The following SLC44A5 variants were observed in gnomAD, a reference collection of about 807,000 sequenced individuals.
SLC44A5 encodes the protein choline transporter-like protein 5.
SLC44A5 carries 57 observed loss-of-function variants against 101.8 expected under a neutral mutation model. The observed-to-expected ratio is 0.56, with a 90% CI of 0.45 to 0.70. The LOEUF (loss-of-function observed/expected upper bound fraction) is 0.70, where lower values mean the gene tolerates loss of function less well. Ranked by LOEUF, SLC44A5 falls within the 30% of genes least tolerant of loss-of-function variation. SLC44A5 has a pLI of 0.00. For missense variants in SLC44A5, 737 were observed against 853.1 expected, an observed-to-expected ratio of 0.86 and a Z score of 1.70; for synonymous variants, 281 against 290.9, an observed-to-expected ratio of 0.97 and a Z score of 0.35.
intron 2 of SLC44A5, among the ~76,000 whole-genome samples, chr1:75,476,621 T>C (rs1413140156): frequency 6.6e-6 from 1 of 152,108 alleles, no homozygotes; most frequent in East Asian, 1.9e-4. Context: ...GCTCGGAGGG[T>C]CCTACGCCCA....
At chr1:75,426,265 G>T (rs1362654136) in intron 2 of SLC44A5, among the ~76,000 whole-genome samples, 7 of 152,182 alleles carry the variant, frequency 4.6e-5, no homozygotes, top group Non-Finnish European at 8.8e-5. Context: ...GGGAAAATAT[G>T]ATTCTGAAAG....
At chr1:75,679,822 T>G in the SLC44A5 span, among the ~76,000 whole-genome samples, 1 of 152,082 alleles carries the variant, frequency 6.6e-6, no homozygotes, top group Non-Finnish European at 1.5e-5. Context: ...ACTGGCAAAT[T>G]GGATAAAGAG....
chr1:75,536,381 C>T (rs1373110295), intron 2 of SLC44A5, among the ~76,000 whole-genome samples: 3 of 151,402 alleles, frequency 2.0e-5, no homozygotes, highest in Non-Finnish European at 2.9e-5. Flanking sequence ...GGGTGGATCA[C>T]GAGGTCAGGA....
chr1:75,313,778 G>A (rs1655484637), intron 4 of SLC44A5, among the ~76,000 whole-genome samples: 1 of 152,204 alleles, frequency 6.6e-6, no homozygotes, highest in African/African-American at 2.4e-5. Flanking sequence ...AGAGGAAGCA[G>A]TAGGGCTCCT....
At chr1:75,586,268 C>G (rs1024715446) in intron 1 of SLC44A5, among the ~76,000 whole-genome samples, 2 of 151,908 alleles carry the variant, frequency 1.3e-5, no homozygotes, top group Non-Finnish European at 2.9e-5. Context: ...ATACCACCAG[C>G]CTCTCTTCTG....
the SLC44A5 span, among the ~76,000 whole-genome samples, chr1:75,651,731 A>G: frequency 6.7e-5 from 10 of 150,074 alleles, no homozygotes; most frequent in African/African-American, 2.0e-4. Context: ...CCAATACTCA[A>G]CTCTTCTTGG....
chr1:75,261,426 G>T (rs1011076040), intron 6 of SLC44A5, among the ~76,000 whole-genome samples: 8 of 152,006 alleles, frequency 5.3e-5, no homozygotes, highest in African/African-American at 1.9e-4. Context: ...TAGAAGAAAT[G>T]GATAACTTCC....
chr1:75,435,889 A>G (rs1326829370), intron 2 of SLC44A5, among the ~76,000 whole-genome samples: 1 of 152,058 alleles, frequency 6.6e-6, no homozygotes, highest in African/African-American at 2.4e-5. Flanking sequence ...ATATACACAC[A>G]CATACACATG....
At chr1:75,714,215 G>C in the SLC44A5 span, among the ~76,000 whole-genome samples, 1 of 152,148 alleles carries the variant, frequency 6.6e-6, no homozygotes, top group South Asian at 2.1e-4. Context: ...TGGGATAAAA[G>C]GTTGGTTCAA....
intron 2 of SLC44A5, among the ~76,000 whole-genome samples, chr1:75,495,402 C>G (rs1668618794): frequency 6.6e-6 from 1 of 151,902 alleles, no homozygotes; most frequent in Non-Finnish European, 1.5e-5. Flanking sequence ...TTGCAGTGAG[C>G]CGAGATTGCG....
chr1:75,312,048 T>C lies in SLC44A5; in HGVS notation c.102-11363A>G, dbSNP rs115739307. ...GATGAGGGGGGCTGGTGGGAGATAG[T>C]TGAATCATGGGGGCAGTTTCCCCCA... On this transcript the variant is annotated intron_variant, in intron 4 of 23. Coordinates refer to ENST00000370859, the MANE Select transcript of SLC44A5 (RefSeq NM_001130058.2). 7.7e-3 allele frequency among the ~76,000 whole-genome samples: 1,178 copies of C among 152,244 alleles called. 24 individuals carry two copies. The highest frequency in any genetic ancestry group is 0.027 in the African/African-American group (1,111 of 41,548).
chr1:75,353,374 T>C (rs1658828976), intron 3 of SLC44A5, among the ~76,000 whole-genome samples: 1 of 152,194 alleles, frequency 6.6e-6, no homozygotes, highest in South Asian at 2.1e-4. Flanking sequence ...TGACTATCTA[T>C]TAGTCCTCAC....
chr1:75,618,605 G>C, the SLC44A5 span, among the ~76,000 whole-genome samples: 1 of 152,152 alleles, frequency 6.6e-6, no homozygotes, highest in African/African-American at 2.4e-5. Context: ...ACACCATAAA[G>C]TATACTTAAA....
chr1:75,243,309 G>A (rs1370619773), intron 7 of SLC44A5, among the ~76,000 whole-genome samples: 1 of 151,810 alleles, frequency 6.6e-6, no homozygotes, highest in African/African-American at 2.4e-5. Context: ...GCTAATTTTT[G>A]TATTTTTTGC....
chr1:75,213,882 A>T, intron 21 of SLC44A5, 37 bp downstream of exon 21: 1 of 1,458,378 alleles, frequency 6.9e-7, no homozygotes, highest in Non-Finnish European at 9.4e-7. Flanking sequence ...GCATCTTTTA[A>T]ACTTTTTTTT....
chr1:75,476,823 G>A (rs1227228287), intron 2 of SLC44A5, among the ~76,000 whole-genome samples: 1 of 152,246 alleles, frequency 6.6e-6, no homozygotes, highest in Non-Finnish European at 1.5e-5. Context: ...TCTGGGGGCA[G>A]GGCACAGACA....
In SLC44A5 at chr1:75,264,998, C is replaced by G. The variant is rs182703824; in HGVS notation, c.260+9960G>C. Among the ~76,000 whole-genome samples, 273 of 152,036 alleles carry G rather than the reference C, an allele frequency of 1.8e-3. 1 individual carries two copies. Among genetic ancestry groups the G allele is most frequent in the African/African-American group, 6.3e-3 (263 of 41,488 alleles). On this transcript the variant is annotated intron_variant, in intron 6 of 23. Transcript: ENST00000370859. ...GAGACTGTTATGAAAAACTGTACAC[C>G]AACAAACTAGAAAAATGGATAAATT... is the stretch of plus-strand genomic sequence containing the variant.
At chr1:75,471,532 C>T (rs1256497425) in intron 2 of SLC44A5, among the ~76,000 whole-genome samples, 1 of 152,070 alleles carries the variant, frequency 6.6e-6, no homozygotes, top group Non-Finnish European at 1.5e-5. Flanking sequence ...TCAATCATGG[C>T]AGGGGGAAAG....
chr1:75,317,502 C>T (rs1655785357), intron 4 of SLC44A5, among the ~76,000 whole-genome samples: 1 of 152,156 alleles, frequency 6.6e-6, no homozygotes, highest in Non-Finnish European at 1.5e-5. Flanking sequence ...CATGAAATCC[C>T]TTTCACACAC....
Sources: gnomAD v4.1 joint callset for allele counts (sites outside exome capture counted in the v4.1 genomes callset) on GRCh38, gnomAD v4.1.1 for gene constraint, MANE v1.5 for transcripts, NCBI Gene and HGNC (gene_info 2026-07-23, HGNC 2026-07-21) for gene names.